Variants in PEAK1 observed in about 807,000 individuals in gnomAD.
PEAK1 encodes inactive tyrosine-protein kinase PEAK1.
In PEAK1, 54 loss-of-function variants were observed where a neutral mutation model predicts 124.7. The observed-to-expected ratio is 0.43, with a 90% CI of 0.35 to 0.54. The LOEUF is 0.54. PEAK1 is among the 20% of genes least tolerant of loss of function. PEAK1 has a pLI of 0.01. For synonymous variants in PEAK1, 719 were observed against 760.0 expected (o/e 0.95, Z 0.89); for missense variants, 2,046 against 2,134.5 (o/e 0.96, Z 0.82).
intron 6 of PEAK1, among the ~76,000 whole-genome samples, chr15:77,237,081 G>A (rs2060158123): frequency 6.6e-6 from 1 of 151,818 alleles, no homozygotes; most frequent in South Asian, 2.1e-4. Context: ...TTTTAAAGTG[G>A]GCTTATACTA....
At chr15:77,311,703 A>AAG in intron 2 of PEAK1, among the ~76,000 whole-genome samples, 1 of 150,772 alleles carries the variant, frequency 6.6e-6, no homozygotes, top group South Asian at 2.1e-4. Context: ...AAAAAAAAAA[A>AAG]AAAGAAAAAG....
rs1380021787 is a variant in PEAK1 at position 77,154,326 on chromosome 15, T to C, written c.3331+4177A>G. ...TTGCAACCCCTGCCTTTTTTTGTTT[T>C]CCATTTGCTTGGTAGATCTTCCTCC... is the stretch of plus-strand genomic sequence containing the variant. On this transcript the variant is annotated intron_variant, in intron 8 of 9. Coordinates refer to ENST00000682557, the MANE Select transcript of PEAK1 (RefSeq NM_001385026.1). Among the ~76,000 whole-genome samples the C allele has an allele frequency of 3.9e-5, 6 of 152,222 alleles. No individual in the cohort carries two copies. In the East Asian group the frequency reaches 1.2e-3, roughly 29 times the overall value.
chr15:77,259,679 A>T lies in PEAK1; in HGVS notation c.-274-7153T>A, dbSNP rs1258637122. ...TCCTCTCACCATAAACAATTAGAATACAGCATAAAATACTGGAAAGGACTA... is the reference window on the plus strand; with the variant it reads ...TCCTCTCACCATAAACAATTAGAATTCAGCATAAAATACTGGAAAGGACTA... On this transcript the variant is annotated intron_variant, in intron 5 of 9. Transcript: ENST00000682557. 2.0e-5 allele frequency among the ~76,000 whole-genome samples: 3 copies of T among 152,182 alleles called. No homozygotes were observed. In the East Asian group the frequency reaches 5.8e-4, roughly 29 times the overall value.
intron 7 of PEAK1, chr15:77,178,406 T>C (rs2057017798): frequency 4.5e-6 from 1 of 220,640 alleles, no homozygotes. Context: ...CTTTATTTCA[T>C]TTACAGTGAG....
chr15:77,286,589 A>G, intron 2 of PEAK1, 85 bp from the exon 3 acceptor site: 1 of 583,322 alleles, frequency 1.7e-6, no homozygotes, highest in Non-Finnish European at 2.5e-6. Context: ...TTAATTCACC[A>G]TAAAGCAGAA....
At chr15:77,295,411 A>G (rs1474916327) in intron 2 of PEAK1, among the ~76,000 whole-genome samples, 1 of 152,196 alleles carries the variant, frequency 6.6e-6, no homozygotes, top group Admixed American at 6.5e-5. Context: ...CACTTTTACT[A>G]GATTTGTGGA....
At chr15:77,323,812 G>T (rs2065396245) in intron 2 of PEAK1, among the ~76,000 whole-genome samples, 1 of 152,124 alleles carries the variant, frequency 6.6e-6, no homozygotes, top group Admixed American at 6.5e-5. Context: ...CCAAAAAAGA[G>T]CCTGCATTGC....
At chr15:77,115,615 T>C (rs771508445) in intron 9 of PEAK1, among the ~76,000 whole-genome samples, 1 of 142,730 alleles carries the variant, frequency 7.0e-6, no homozygotes. Context: ...CGGGGTTATG[T>C]GTGCAAACCT....
intron 7 of PEAK1, 106 bp downstream of exon 7, chr15:77,178,684 A>G: frequency 9.2e-7 from 1 of 1,083,838 alleles, no homozygotes; most frequent in South Asian, 1.6e-5. Flanking sequence ...ACAGAGTGCT[A>G]CTTACAAACA....
intron 2 of PEAK1, among the ~76,000 whole-genome samples, chr15:77,315,759 C>T (rs1039104569): frequency 5.9e-5 from 9 of 151,576 alleles, no homozygotes; most frequent in Non-Finnish European, 1.0e-4. Context: ...CTACAATATC[C>T]CTCACCAGTA....
intron 5 of PEAK1, among the ~76,000 whole-genome samples, chr15:77,274,618 A>T (rs28817003): frequency 2.6e-5 from 4 of 152,008 alleles, no homozygotes; most frequent in African/African-American, 7.2e-5. Flanking sequence ...ATCAAAAATT[A>T]AAAAACCAAA....
chr15:77,333,142 CTTTA>C (rs372151680), intron 2 of PEAK1: 27,427 of 961,484 alleles, frequency 0.029, 493 homozygotes, highest in South Asian at 0.054. Flanking sequence ...AACTAAAACA[CTTTA>C]TTTATTTATT....
intron 5 of PEAK1, among the ~76,000 whole-genome samples, chr15:77,261,959 AT>A (rs2061464005): frequency 6.6e-6 from 1 of 152,144 alleles, no homozygotes; most frequent in South Asian, 2.1e-4. Flanking sequence ...AATATTCAAC[AT>A]TCTTAAAGAA....
intron 2 of PEAK1, chr15:77,347,948 A>G (rs1352456908): frequency 1.0e-6 from 1 of 985,108 alleles, no homozygotes; most frequent in Non-Finnish European, 1.2e-6. Context: ...GCACTGAATG[A>G]TTCCCAAACA....
At chr15:77,383,020 T>C (rs948102007) in intron 1 of PEAK1, among the ~76,000 whole-genome samples, 2 of 123,074 alleles carry the variant, frequency 1.6e-5, no homozygotes, top group East Asian at 2.2e-4. Flanking sequence ...TTGTATCTCC[T>C]TTTTTTTTTT....
At chr15:77,381,921 G>A (rs779151646) in intron 1 of PEAK1, among the ~76,000 whole-genome samples, 4 of 152,112 alleles carry the variant, frequency 2.6e-5, no homozygotes, top group Non-Finnish European at 5.9e-5. Flanking sequence ...GCCAAAATTT[G>A]GAATAAAACC....
intron 7 of PEAK1, among the ~76,000 whole-genome samples, chr15:77,164,371 A>T (rs1005638272): frequency 6.6e-6 from 1 of 152,232 alleles, no homozygotes; most frequent in Non-Finnish European, 1.5e-5. Flanking sequence ...GGTCAAACAA[A>T]GGTAGCTCTT....
intron 8 of PEAK1, among the ~76,000 whole-genome samples, chr15:77,140,326 A>C (rs557086385): frequency 6.6e-5 from 10 of 151,904 alleles, no homozygotes; most frequent in African/African-American, 2.2e-4. Context: ...ATGAATACAG[A>C]TGTGAAAATC....
chr15:77,197,491 G>A (rs1352603088), intron 6 of PEAK1, among the ~76,000 whole-genome samples: 1 of 152,072 alleles, frequency 6.6e-6, no homozygotes, highest in Non-Finnish European at 1.5e-5. Context: ...GAAAGTTTCT[G>A]TTACTTTGGT....
Sources: allele counts gnomAD v4.1 joint callset (sites outside exome capture counted in the v4.1 genomes callset), GRCh38; gene constraint gnomAD v4.1.1; transcripts MANE v1.5; gene names NCBI Gene and HGNC (gene_info 2026-07-23, HGNC 2026-07-21).